Variants in NMBR observed in about 807,000 individuals in gnomAD.
NMBR encodes the protein neuromedin-B receptor.
Under a neutral mutation model 20.5 loss-of-function variants are expected in NMBR, and 16 were observed. That is an observed-to-expected ratio of 0.78 (90% CI 0.53 to 1.19). The LOEUF is 1.19. Ranked by LOEUF, NMBR falls within the 50% of genes most tolerant of loss-of-function variation. The pLI, the probability that NMBR is intolerant of heterozygous loss-of-function variation, is 0.00. For synonymous variants in NMBR, 212 were observed against 196.6 expected, an observed-to-expected ratio of 1.08 and a Z score of -0.65; for missense variants, 582 against 499.1, an observed-to-expected ratio of 1.17 and a Z score of -1.58.
chr6:142,095,120 T>C (rs922212288), intron 1 of NMBR, among the ~76,000 whole-genome samples: 1 of 152,118 alleles, frequency 6.6e-6, no homozygotes, highest in African/African-American at 2.4e-5. Flanking sequence ...TGACTTCCTC[T>C]TTTCCTAATT....
intron 1 of NMBR, among the ~76,000 whole-genome samples, chr6:142,123,413 A>T (rs970383807): frequency 2.0e-5 from 3 of 151,972 alleles, no homozygotes; most frequent in Non-Finnish European, 4.4e-5. Context: ...ACAACAAAGG[A>T]TCTAGAATAT....
intron 2 of NMBR, among the ~76,000 whole-genome samples, chr6:142,085,698 C>T (rs1033395998): frequency 2.6e-5 from 4 of 152,220 alleles, no homozygotes; most frequent in African/African-American, 9.6e-5. Flanking sequence ...TGAGTCTCCA[C>T]TTCACATTGG....
chr6:142,125,487 G>GTGCATGCATATACACATATACATA (rs1778014652), intron 1 of NMBR, among the ~76,000 whole-genome samples: 2 of 151,276 alleles, frequency 1.3e-5, no homozygotes, highest in Non-Finnish European at 3.0e-5. Flanking sequence ...ACATATACAT[G>GTGCATGCATATACACATATACATA]TGCATGCATA....
rs141755917 is a variant in NMBR, at chr6:142,123,613, A to G, written c.-664+23431T>C. Among the ~76,000 whole-genome samples the G allele has an allele frequency of 4.1e-3, 630 of 151,940 alleles. 3 individuals carry two copies. The highest frequency in any genetic ancestry group is 5.3e-3 in the Non-Finnish European group (359 of 67,886). On this transcript the variant is annotated intron_variant, in intron 1 of 3. Transcript: ENST00000258042. ...CTAAGAAATTGCCACAGTCACCCCAACCTTCAGCAGCCAACATCCCAATCA... is the reference window on the plus strand; with the variant it reads ...CTAAGAAATTGCCACAGTCACCCCAGCCTTCAGCAGCCAACATCCCAATCA...
intron 1 of NMBR, among the ~76,000 whole-genome samples, chr6:142,129,269 T>C (rs1778097372): frequency 6.6e-6 from 1 of 151,950 alleles, no homozygotes; most frequent in African/African-American, 2.4e-5. Flanking sequence ...TTTGTACTAA[T>C]AGTAGTAGTA....
chr6:142,141,513 T>G (rs1331571606), intron 1 of NMBR, among the ~76,000 whole-genome samples: 1 of 152,100 alleles, frequency 6.6e-6, no homozygotes, highest in Non-Finnish European at 1.5e-5. Context: ...CTTTGTTTTT[T>G]TTTTTTTTTA....
intron 2 of NMBR, among the ~76,000 whole-genome samples, 171 bp from the exon 3 acceptor site, chr6:142,079,074 G>GAA (rs1777029053): frequency 8.1e-6 from 1 of 122,770 alleles, no homozygotes; most frequent in Non-Finnish European, 1.7e-5. Context: ...GAGAGAAAGA[G>GAA]AGAAAGAAAG....
intron 1 of NMBR, among the ~76,000 whole-genome samples, chr6:142,119,088 T>C (rs1777900615): frequency 6.6e-6 from 1 of 151,960 alleles, no homozygotes; most frequent in Admixed American, 6.6e-5. Flanking sequence ...TTGTTCTGAA[T>C]TGAGATGGGA....
chr6:142,126,261 C>CTG (rs34172798), intron 1 of NMBR, among the ~76,000 whole-genome samples: 10,907 of 149,228 alleles, frequency 0.073, 505 homozygotes, highest in Admixed American at 0.15. Context: ...CTCTCTCTCT[C>CTG]TGTGTGTGTG....
At chr6:142,107,166 C>G (rs1006014825) in intron 1 of NMBR, among the ~76,000 whole-genome samples, 2 of 152,066 alleles carry the variant, frequency 1.3e-5, no homozygotes, top group Admixed American at 6.6e-5. Context: ...ACCTGAGGGC[C>G]TATATTTTAT....
intron 1 of NMBR, among the ~76,000 whole-genome samples, chr6:142,136,563 C>T (rs1778260889): frequency 6.6e-6 from 1 of 152,072 alleles, no homozygotes. Context: ...GACATGAAGT[C>T]CTTGCCCATG....
At chr6:142,116,102 C>T (rs967674929) in intron 1 of NMBR, among the ~76,000 whole-genome samples, 1 of 151,876 alleles carries the variant, frequency 6.6e-6, no homozygotes, top group African/African-American at 2.4e-5. Context: ...GTGACTTACT[C>T]CTGCTTGTCT....
intron 2 of NMBR, among the ~76,000 whole-genome samples, chr6:142,081,963 C>T (rs1777105985): frequency 6.6e-6 from 1 of 152,068 alleles, no homozygotes; most frequent in South Asian, 2.1e-4. Flanking sequence ...TAGATTTCTT[C>T]ATCAATTCTT....
At chr6:142,116,391 C>T (rs1777856048) in intron 1 of NMBR, among the ~76,000 whole-genome samples, 1 of 151,920 alleles carries the variant, frequency 6.6e-6, no homozygotes, top group African/African-American at 2.4e-5. Context: ...TTATTAACAT[C>T]TTGTTTGGAC....
chr6:142,080,183 ATT>A (rs555006563), intron 2 of NMBR, among the ~76,000 whole-genome samples: 3 of 147,464 alleles, frequency 2.0e-5, no homozygotes, highest in African/African-American at 7.5e-5. Flanking sequence ...ACTTTCCATC[ATT>A]TTTTTTCTGA....
chr6:142,076,816 C>A (rs1453029823), intron 3 of NMBR, among the ~76,000 whole-genome samples: 1 of 152,144 alleles, frequency 6.6e-6, no homozygotes, highest in Non-Finnish European at 1.5e-5. Context: ...ATTAAACCAA[C>A]ATGGACATGG....
rs549660010 is a variant in NMBR, at chr6:142,088,806, C to T, written c.-148G>A. 94 of 693,782 alleles carry T rather than the reference C, an allele frequency of 1.4e-4. No individual in the cohort carries two copies. Among genetic ancestry groups the T allele is most frequent in the Admixed American group, 4.9e-4 (17 of 34,636 alleles). 43.0% of individuals were successfully genotyped at this position (693,782 alleles called of 1,614,324 possible). On this transcript the variant is annotated 5_prime_UTR_variant, in exon 2 of 4. Coordinates refer to ENST00000258042, the MANE Select transcript of NMBR (RefSeq NM_002511.4). The stretch of plus-strand genomic sequence containing the variant: ...GGGGCAAGCCTCACAGCACCACGTC[C>T]CTAAGAGTTCAGGACCTGGGGAGGG...
intron 1 of NMBR, among the ~76,000 whole-genome samples, chr6:142,095,614 C>A (rs1001645700): frequency 7.9e-5 from 12 of 151,998 alleles, no homozygotes; most frequent in Non-Finnish European, 2.9e-5. Flanking sequence ...CTAAAATTCT[C>A]TTTTTTCTTG....
intron 1 of NMBR, among the ~76,000 whole-genome samples, 159 bp downstream of exon 1, chr6:142,146,885 A>G (rs1027870612): frequency 6.6e-6 from 1 of 152,230 alleles, no homozygotes; most frequent in African/African-American, 2.4e-5. Flanking sequence ...ATTAACTGGA[A>G]GTGGTAATTC....
Sources: allele counts gnomAD v4.1 joint callset (sites outside exome capture counted in the v4.1 genomes callset), GRCh38; gene constraint gnomAD v4.1.1; transcripts MANE v1.5; gene names NCBI Gene and HGNC (gene_info 2026-07-23, HGNC 2026-07-21).